Variants in TNFAIP6 observed in about 807,000 individuals in gnomAD.
TNFAIP6 encodes TNF alpha induced protein 6, also known as tumor necrosis factor-inducible gene 6 protein.
In TNFAIP6, 36 loss-of-function variants were observed where a neutral mutation model predicts 33.7. The observed-to-expected ratio is 1.07, with a 90% CI of 0.82 to 1.41. TNFAIP6 has a LOEUF of 1.41. Among genes scored for constraint, TNFAIP6 ranks in the 40% most tolerant of loss-of-function variants. The probability of loss-of-function intolerance (pLI) is 0.00; values close to 1 mark genes in which losing one functional copy is unlikely to be tolerated. For synonymous variants in TNFAIP6, 113 were observed against 112.8 expected (o/e 1.00, Z -0.01); for missense variants, 273 against 331.9 (o/e 0.82, Z 1.38).
At chr2:151,363,495 TAAA>T (rs11367357) in intron 1 of TNFAIP6, among the ~76,000 whole-genome samples, 30 of 139,868 alleles carry the variant, frequency 2.1e-4, no homozygotes, top group Admixed American at 4.3e-4. Flanking sequence ...GTCGCTACTT[TAAA>T]AAAAAAAAAA....
chr2:151,362,579 C>T (rs1197213404), intron 1 of TNFAIP6, among the ~76,000 whole-genome samples: 1 of 149,384 alleles, frequency 6.7e-6, no homozygotes, highest in African/African-American at 2.5e-5. Flanking sequence ...CAAGCTCCGC[C>T]TCCCGGGTTC....
chr2:151,374,344 A>T (rs896433765), intron 5 of TNFAIP6, among the ~76,000 whole-genome samples: 1 of 152,116 alleles, frequency 6.6e-6, no homozygotes, highest in Non-Finnish European at 1.5e-5. Flanking sequence ...TTTATCCCAT[A>T]CTGCTATTTT....
intron 5 of TNFAIP6, among the ~76,000 whole-genome samples, chr2:151,377,309 A>G (rs1684930919): frequency 1.3e-5 from 2 of 151,914 alleles, no homozygotes; most frequent in South Asian, 2.1e-4. Flanking sequence ...AGCTGGGACT[A>G]CAGGCACCCG....
At chr2:151,359,620 C>T (rs752070938) in intron 1 of TNFAIP6, among the ~76,000 whole-genome samples, 14 of 152,132 alleles carry the variant, frequency 9.2e-5, no homozygotes, top group Non-Finnish European at 1.5e-4. Context: ...AATCTCCTGA[C>T]CTCGTGATCC....
chr2:151,365,815 T>C (rs918691741), intron 2 of TNFAIP6, among the ~76,000 whole-genome samples: 2 of 152,196 alleles, frequency 1.3e-5, no homozygotes, highest in Non-Finnish European at 2.9e-5. Flanking sequence ...ATACCCACAA[T>C]AATTTGTAGT....
downstream of TNFAIP6, chr2:151,380,132 T>G (rs1161402993): frequency 6.6e-6 from 1 of 152,190 alleles, no homozygotes; most frequent in Non-Finnish European, 1.5e-5. Flanking sequence ...TAAAATTTTC[T>G]GTTTTGATAG....
chr2:151,364,894 A>G (rs556912780), intron 2 of TNFAIP6, among the ~76,000 whole-genome samples: 1 of 152,280 alleles, frequency 6.6e-6, no homozygotes, highest in Non-Finnish European at 1.5e-5. Flanking sequence ...ACTGGAGTGG[A>G]AGAGACAAAG....
intron 1 of TNFAIP6, among the ~76,000 whole-genome samples, chr2:151,358,261 G>A (rs1684568095): frequency 6.6e-6 from 1 of 152,156 alleles, no homozygotes; most frequent in Non-Finnish European, 1.5e-5. Context: ...CCAGCTTGCA[G>A]TACAGAAAAA....
chr2:151,357,852 G>C, intron 1 of TNFAIP6, 92 bp downstream of exon 1: 2 of 792,954 alleles, frequency 2.5e-6, no homozygotes, highest in Admixed American at 2.0e-5. Context: ...TTTCTATTCT[G>C]TACAAGGCTG....
At chr2:151,373,460 C>A in intron 4 of TNFAIP6, 89 bp from the exon 5 acceptor site, 1 of 631,496 alleles carries the variant, frequency 1.6e-6, no homozygotes, top group Non-Finnish European at 2.6e-6. Flanking sequence ...TGAGCTATTA[C>A]TTAGAGGCTT....
Position 151,363,910 on chromosome 2 carries a change from A to C in TNFAIP6, c.95-33A>C, listed in dbSNP as rs374480800. 1.9e-6 allele frequency: 3 copies of C among 1,608,260 alleles called. No individual in the cohort carries two copies. In the African/African-American group the frequency reaches 4.0e-5, roughly 22 times the overall value. ...TTCCCCTGTTCCGTAAGAAGGAACA[A>C]CAGTGCTTTTATGACATCATCTGAT... On this transcript the variant is annotated intron_variant, in intron 1 of 5. Transcript: ENST00000243347.
intron 2 of TNFAIP6, 132 bp from the exon 3 acceptor site, chr2:151,365,924 T>C: frequency 1.3e-6 from 1 of 759,008 alleles, no homozygotes; most frequent in Non-Finnish European, 2.2e-6. Context: ...GAAGCAATTT[T>C]CTCCCTTTTA....
chr2:151,377,865 C>G (rs915742727), intron 5 of TNFAIP6, among the ~76,000 whole-genome samples: 1 of 152,018 alleles, frequency 6.6e-6, no homozygotes, highest in Non-Finnish European at 1.5e-5. Context: ...AGAGCATGAA[C>G]TCGGAAACCA....
rs887310652 is a variant in TNFAIP6, at chr2:151,360,135, C to CA, written c.94+2383dup. On this transcript the variant is annotated intron_variant, in intron 1 of 5. Transcript: ENST00000243347. ...CAACATAGAGAAACTCTGTCTCTAC[C>CA]AAAAAAAACACAATTAACTGGGTGT... Among the ~76,000 whole-genome samples the CA allele has an allele frequency of 5.3e-5, 8 of 151,278 alleles. No individual in the cohort carries two copies. In the East Asian group the frequency reaches 5.8e-4, roughly 11 times the overall value.
intron 1 of TNFAIP6, among the ~76,000 whole-genome samples, chr2:151,360,520 A>G (rs1337645105): frequency 1.3e-5 from 2 of 152,206 alleles, no homozygotes; most frequent in Non-Finnish European, 2.9e-5. Flanking sequence ...ATAAATGACT[A>G]TTGACTAGAT....
At chr2:151,364,688 A>C (rs1684682589) in intron 2 of TNFAIP6, among the ~76,000 whole-genome samples, 1 of 152,206 alleles carries the variant, frequency 6.6e-6, no homozygotes, top group Admixed American at 6.5e-5. Context: ...CTTTATACAA[A>C]AGTGGATTGC....
chr2:151,361,283 C>T (rs1053296386), intron 1 of TNFAIP6, among the ~76,000 whole-genome samples: 2 of 152,204 alleles, frequency 1.3e-5, no homozygotes, highest in South Asian at 2.1e-4. Context: ...ACCATGTTGG[C>T]CAGGCTGGTC....
In TNFAIP6 at chr2:151,379,512, TG is replaced by T; in HGVS notation, c.815del (p.Gly272GlufsTer28). 6.4e-7 allele frequency: 1 copy of T among 1,560,248 alleles called. No individual in the cohort carries two copies. The highest frequency in any genetic ancestry group is 2.3e-5 in the East Asian group (1 of 43,118). ...TSTGNKNFLA[G>X]RFSHL ...CTACTGGAAATAAAAACTTTTTAGC[TG>T]GAAGATTTAGCCACTTATAAAAAAA... On this transcript the variant is annotated frameshift_variant, in exon 6 of 6. Transcript: ENST00000243347. LOFTEE classifies it high-confidence loss of function.
chr2:151,363,889 C>T, intron 1 of TNFAIP6, 54 bp from the exon 2 acceptor site: 1 of 1,593,072 alleles, frequency 6.3e-7, no homozygotes, highest in Admixed American at 1.8e-5. Flanking sequence ...CAGAATTTCC[C>T]CTGTTCCGTA....
Sources: gnomAD v4.1 joint callset for allele counts (sites outside exome capture counted in the v4.1 genomes callset) on GRCh38, gnomAD v4.1.1 for gene constraint, MANE v1.5 for transcripts, NCBI Gene and HGNC (gene_info 2026-07-23, HGNC 2026-07-21) for gene names.